PRKCB: variants seen among roughly 807,000 people sequenced by gnomAD.
PRKCB encodes protein kinase C beta type.
PRKCB carries 13 observed loss-of-function variants against 81.5 expected under a neutral mutation model. That is an observed-to-expected ratio of 0.16 (90% CI 0.10 to 0.25). PRKCB has a LOEUF of 0.25. Among genes scored for constraint, PRKCB ranks in the 10% least tolerant of loss-of-function variants. PRKCB has a pLI of 1.00. For missense variants in PRKCB, 509 were observed against 875.7 expected, an observed-to-expected ratio of 0.58 and a Z score of 5.29; for synonymous variants, 335 against 321.4, an observed-to-expected ratio of 1.04 and a Z score of -0.45.
intron 3 of PRKCB, among the ~76,000 whole-genome samples, chr16:24,002,351 G>A (rs1036341444): frequency 6.6e-6 from 1 of 151,324 alleles, no homozygotes; most frequent in African/African-American, 2.4e-5. Context: ...GCGTGCGTGC[G>A]TGTGTGTGTG....
chr16:23,854,023 T>C (rs749888130), intron 2 of PRKCB, among the ~76,000 whole-genome samples: 25 of 144,012 alleles, frequency 1.7e-4, no homozygotes, highest in Admixed American at 5.0e-4. Flanking sequence ...AACTGCCCTT[T>C]ATAAAACCAT....
chr16:23,963,031 C>A (rs1964446472), intron 2 of PRKCB: 1 of 152,222 alleles, frequency 6.6e-6, no homozygotes, highest in African/African-American at 2.4e-5. Context: ...TCCCTTAGAA[C>A]AATGGCCTCC....
intron 16 of PRKCB, among the ~76,000 whole-genome samples, chr16:24,211,753 T>G (rs1470523886): frequency 6.6e-6 from 1 of 151,972 alleles, no homozygotes; most frequent in Non-Finnish European, 1.5e-5. Context: ...AGAGATGGGA[T>G]TTCACCATGT....
At chr16:24,019,683 G>A (rs7185470) in intron 3 of PRKCB, among the ~76,000 whole-genome samples, 32,877 of 151,708 alleles carry the variant, frequency 0.22, 3,596 homozygotes, top group Middle Eastern at 0.32. Flanking sequence ...AGGATTGTTT[G>A]AACCTGGGAG....
intron 2 of PRKCB, among the ~76,000 whole-genome samples, chr16:23,842,863 T>G (rs1962290731): frequency 6.6e-6 from 1 of 152,200 alleles, no homozygotes; most frequent in African/African-American, 2.4e-5. Context: ...TTGCACTTTT[T>G]TATATCACAA....
intron 9 of PRKCB, among the ~76,000 whole-genome samples, chr16:24,154,379 G>T (rs1326337587): frequency 6.6e-6 from 1 of 152,168 alleles, no homozygotes; most frequent in East Asian, 1.9e-4. Flanking sequence ...AGCTACTTGG[G>T]AGGCTGAGGC....
In PRKCB at chr16:24,179,337, A is replaced by G. The variant is rs73548580; in HGVS notation, c.1395-1453A>G. Among the ~76,000 whole-genome samples, 1,238 of 152,348 alleles carry G rather than the reference A, an allele frequency of 8.1e-3. 12 individuals carry two copies. The highest frequency in any genetic ancestry group is 0.028 in the African/African-American group (1,167 of 41,582). ...AAGGAGGGTGGTTCTTCTAAGAAAT[A>G]TTAGAATGCTGTCATCACAAAACAC... On this transcript the variant is annotated intron_variant, in intron 12 of 16. Coordinates refer to ENST00000643927, the MANE Select transcript of PRKCB (RefSeq NM_002738.7).
chr16:23,950,719 G>A (rs975988758), intron 2 of PRKCB, among the ~76,000 whole-genome samples: 1 of 152,204 alleles, frequency 6.6e-6, no homozygotes, highest in Non-Finnish European at 1.5e-5. Flanking sequence ...TGTCTATCTA[G>A]GCCTTGGTTT....
chr16:24,177,009 C>G (rs954792056), intron 12 of PRKCB, among the ~76,000 whole-genome samples: 1 of 152,136 alleles, frequency 6.6e-6, no homozygotes, highest in African/African-American at 2.4e-5. Flanking sequence ...TGATTTTTCA[C>G]TCTACATGAT....
At chr16:23,989,078 A>G (rs906339951) in intron 3 of PRKCB, among the ~76,000 whole-genome samples, 3 of 152,088 alleles carry the variant, frequency 2.0e-5, no homozygotes, top group African/African-American at 7.2e-5. Context: ...CTCCTGCCTC[A>G]GCCTCCCGAG....
intron 5 of PRKCB, among the ~76,000 whole-genome samples, chr16:24,075,945 T>A (rs1966171320): frequency 6.6e-6 from 1 of 152,200 alleles, no homozygotes; most frequent in Admixed American, 6.5e-5. Flanking sequence ...TTTCTTTTTT[T>A]TTGTTTGTTA....
intron 2 of PRKCB, among the ~76,000 whole-genome samples, chr16:23,890,554 G>T (rs1197041431): frequency 6.6e-6 from 1 of 152,142 alleles, no homozygotes; most frequent in Non-Finnish European, 1.5e-5. Flanking sequence ...CTTCCAACCG[G>T]GCTTTTCATC....
intron 3 of PRKCB, among the ~76,000 whole-genome samples, chr16:23,991,100 A>C (rs1182537485): frequency 1.3e-5 from 2 of 152,164 alleles, no homozygotes; most frequent in African/African-American, 4.8e-5. Flanking sequence ...AGTAGTGACT[A>C]TCTTCTGTCA....
chr16:23,925,573 T>A (rs1963885429), intron 2 of PRKCB, among the ~76,000 whole-genome samples: 1 of 152,142 alleles, frequency 6.6e-6, no homozygotes, highest in Admixed American at 6.5e-5. Context: ...CCAGCATCCC[T>A]GTCTGAGGTC....
intron 2 of PRKCB, among the ~76,000 whole-genome samples, chr16:23,946,623 A>AG (rs200155171): frequency 0.018 from 2,676 of 152,312 alleles, 81 homozygotes; most frequent in African/African-American, 0.059. Context: ...GCTGATTCTT[A>AG]GCAGGCTAAC....
chr16:23,956,094 C>T (rs190292567), intron 2 of PRKCB, among the ~76,000 whole-genome samples: 79 of 151,760 alleles, frequency 5.2e-4, no homozygotes, highest in African/African-American at 1.8e-3. Flanking sequence ...TACGAATAAA[C>T]AAAAAAAGAG....
At chr16:23,913,511 C>T (rs1963692670) in intron 2 of PRKCB, among the ~76,000 whole-genome samples, 1 of 152,140 alleles carries the variant, frequency 6.6e-6, no homozygotes, top group African/African-American at 2.4e-5. Flanking sequence ...CTTCAGCTTC[C>T]CCTTCTTCCC....
chr16:23,991,403 C>G (rs1437754744), intron 3 of PRKCB, among the ~76,000 whole-genome samples: 1 of 152,172 alleles, frequency 6.6e-6, no homozygotes, highest in African/African-American at 2.4e-5. Context: ...TTTCTTCTCT[C>G]CTCCCTAGCA....
chr16:24,196,289 T>C (rs75715500), intron 16 of PRKCB, among the ~76,000 whole-genome samples: 5,013 of 151,836 alleles, frequency 0.033, 127 homozygotes, highest in Middle Eastern at 0.1. Context: ...CATAAAGGAG[T>C]CTTTTGGGAT....
Sources: allele counts gnomAD v4.1 joint callset (sites outside exome capture counted in the v4.1 genomes callset), GRCh38; gene constraint gnomAD v4.1.1; transcripts MANE v1.5; gene names NCBI Gene and HGNC (gene_info 2026-07-23, HGNC 2026-07-21).